The following BBS9 variants were observed in gnomAD, a reference collection of about 807,000 sequenced individuals.
The protein encoded by BBS9 is Bardet-Biedl syndrome 9, also known as protein PTHB1.
Under a neutral mutation model 117.7 loss-of-function variants are expected in BBS9, and 89 were observed. The observed-to-expected ratio is 0.76, with a 90% CI of 0.64 to 0.90. The LOEUF is 0.90. Ranked by LOEUF, BBS9 falls within the 40% of genes least tolerant of loss-of-function variation. BBS9 has a pLI of 0.00. For missense variants in BBS9, 982 were observed against 1,042.2 expected (o/e 0.94, Z 0.80); for synonymous variants, 379 against 370.9 (o/e 1.02, Z -0.25).
At chr7:33,265,185 G>A (rs1416870054) in intron 7 of BBS9, among the ~76,000 whole-genome samples, 2 of 152,108 alleles carry the variant, frequency 1.3e-5, no homozygotes, top group East Asian at 3.9e-4. Context: ...GAAGCTAAAT[G>A]GAGAAATAAT....
chr7:33,166,076 C>T (rs1795630626), intron 4 of BBS9, among the ~76,000 whole-genome samples: 1 of 152,196 alleles, frequency 6.6e-6, no homozygotes, highest in Non-Finnish European at 1.5e-5. Flanking sequence ...TGTTAGTTTT[C>T]CTTCTAACAG....
At chr7:33,506,396 A>T (rs1846156488) in intron 20 of BBS9, among the ~76,000 whole-genome samples, 1 of 152,206 alleles carries the variant, frequency 6.6e-6, no homozygotes, top group African/African-American at 2.4e-5. Flanking sequence ...ATCATTTCAA[A>T]TCCATTTTAA....
chr7:33,589,680 GA>G, intron 21 of BBS9, among the ~76,000 whole-genome samples: 1 of 152,160 alleles, frequency 6.6e-6, no homozygotes, highest in South Asian at 2.1e-4. Flanking sequence ...GGTGAGATGG[GA>G]AAGGTTTGTG....
Position 33,383,570 on chromosome 7 carries a change from C to A in BBS9, c.1790-96C>A, listed in dbSNP as rs147198072. 1,961 of 1,127,288 alleles carry A rather than the reference C, an allele frequency of 1.7e-3. 19 individuals are homozygous for A. In the African/African-American group the frequency reaches 0.019, roughly 11 times the overall value. The allele number at this position is 1,127,288 out of a possible 1,614,324, so 69.8% of individuals were successfully genotyped here. A position where few individuals can be genotyped will look rare whatever the true frequency, so the allele number is the denominator to read the frequency against. The stretch of plus-strand genomic sequence containing the variant: ...CATATCTTTGTTACAAAAATGAAAT[C>A]TTTGAACTTTTAAAGTCAGGATTAG... On this transcript the variant is annotated intron_variant, in intron 17 of 22. Transcript: ENST00000242067.
chr7:33,429,662 T>C (rs1834150018), intron 19 of BBS9, among the ~76,000 whole-genome samples: 1 of 151,944 alleles, frequency 6.6e-6, no homozygotes, highest in Admixed American at 6.5e-5. Context: ...TTGAAAAAAA[T>C]AAATTTATTT....
intron 19 of BBS9, among the ~76,000 whole-genome samples, chr7:33,433,756 A>G (rs557926747): frequency 6.6e-6 from 1 of 152,240 alleles, no homozygotes; most frequent in South Asian, 2.1e-4. Flanking sequence ...GATTAATATG[A>G]GGCTGATGTA....
At chr7:33,611,653 T>TGTA (rs1864875642) in intron 21 of BBS9, among the ~76,000 whole-genome samples, 2 of 135,542 alleles carry the variant, frequency 1.5e-5, no homozygotes, top group African/African-American at 5.6e-5. Context: ...AGGTATATTA[T>TGTA]ATATTAAATG....
intron 19 of BBS9, among the ~76,000 whole-genome samples, chr7:33,462,857 G>A (rs1027057974): frequency 4.6e-5 from 7 of 152,072 alleles, no homozygotes; most frequent in African/African-American, 1.4e-4. Flanking sequence ...AAGCAGTCAT[G>A]AAGCCATACT....
At chr7:33,286,698 A>G (rs908211237) in intron 9 of BBS9, among the ~76,000 whole-genome samples, 1 of 152,190 alleles carries the variant, frequency 6.6e-6, no homozygotes, top group African/African-American at 2.4e-5. Context: ...GGGGGGCAGT[A>G]ACATAAAGTT....
intron 19 of BBS9, among the ~76,000 whole-genome samples, chr7:33,485,954 G>A (rs980560410): frequency 6.6e-6 from 1 of 152,128 alleles, no homozygotes; most frequent in Admixed American, 6.5e-5. Flanking sequence ...GAGTAGTTAG[G>A]TGTAATTCTT....
chr7:33,629,308 G>T (rs1325092671), intron 21 of BBS9, among the ~76,000 whole-genome samples: 1 of 152,122 alleles, frequency 6.6e-6, no homozygotes, highest in East Asian at 1.9e-4. Context: ...CTGCATGGGG[G>T]GGTTCTTGCT....
At chr7:33,350,673 C>T (rs1818478268) in intron 13 of BBS9, among the ~76,000 whole-genome samples, 1 of 152,178 alleles carries the variant, frequency 6.6e-6, no homozygotes, top group Admixed American at 6.5e-5. Context: ...GTGTAGAATG[C>T]CAGTTTCTTT....
At chr7:33,233,288 T>C (rs916550405) in intron 5 of BBS9, among the ~76,000 whole-genome samples, 3 of 152,174 alleles carry the variant, frequency 2.0e-5, no homozygotes, top group Admixed American at 6.6e-5. Context: ...TCTCTTAGAA[T>C]GTACCATTGC....
intron 17 of BBS9, among the ~76,000 whole-genome samples, chr7:33,368,778 G>A (rs1260465429): frequency 6.6e-6 from 1 of 152,046 alleles, no homozygotes; most frequent in Non-Finnish European, 1.5e-5. Context: ...TTTTGAAAAA[G>A]AAAAGTATTA....
chr7:33,286,101 AT>A, intron 9 of BBS9, among the ~76,000 whole-genome samples: 2 of 152,110 alleles, frequency 1.3e-5, no homozygotes, highest in East Asian at 3.9e-4. Context: ...TGGGTTTATG[AT>A]TTTCTGTTTT....
rs547570720 is a variant in BBS9, at chr7:33,530,327, T to C, written c.2299-3627T>C. On this transcript the variant is annotated intron_variant, in intron 20 of 22. Transcript: ENST00000242067. ...CATGGTTTTTGACTTGATCTGCAAGTTGGCATCAGGAAAATAAATTCTGTA... is the reference window on the plus strand; with the variant it reads ...CATGGTTTTTGACTTGATCTGCAAGCTGGCATCAGGAAAATAAATTCTGTA... 2.6e-5 allele frequency among the ~76,000 whole-genome samples: 4 copies of C among 152,318 alleles called. No individual in the cohort carries two copies. The East Asian group carries it at 7.7e-4, about 29-fold the overall frequency.
chr7:33,276,406 C>T (rs562511970), intron 9 of BBS9, among the ~76,000 whole-genome samples: 1 of 152,256 alleles, frequency 6.6e-6, no homozygotes, highest in South Asian at 2.1e-4. Context: ...ATCATAAGTA[C>T]AGAACACCAC....
At chr7:33,398,783 GGCTAGAGTA>G (rs1225885113) in intron 19 of BBS9, among the ~76,000 whole-genome samples, 1 of 152,076 alleles carries the variant, frequency 6.6e-6, no homozygotes, top group African/African-American at 2.4e-5. Context: ...CCATCACCCA[GGCTAGAGTA>G]CGGTGGCATT....
At chr7:33,167,492 TC>T (rs924082152) in intron 4 of BBS9, among the ~76,000 whole-genome samples, 44 of 150,250 alleles carry the variant, frequency 2.9e-4, no homozygotes, top group African/African-American at 1.0e-3. Context: ...AACCTCTGCC[TC>T]CCGGGTTCAA....
Sources: allele counts gnomAD v4.1 joint callset (sites outside exome capture counted in the v4.1 genomes callset), GRCh38; gene constraint gnomAD v4.1.1; transcripts MANE v1.5; gene names NCBI Gene and HGNC (gene_info 2026-07-23, HGNC 2026-07-21).